The following RAPGEF4 variants were observed in gnomAD, a reference collection of about 807,000 sequenced individuals.
RAPGEF4 encodes RAP guanine-nucleotide-exchange factor (GEF) 4.
Under a neutral mutation model 147.9 loss-of-function variants are expected in RAPGEF4, and 66 were observed. That is an observed-to-expected ratio of 0.45 (90% CI 0.37 to 0.55). The LOEUF (loss-of-function observed/expected upper bound fraction) is 0.55. RAPGEF4 is among the 20% of genes least tolerant of loss of function. The pLI, the probability that RAPGEF4 is intolerant of heterozygous loss-of-function variation, is 0.00. For missense variants in RAPGEF4, 1,071 were observed against 1,257.3 expected (o/e 0.85, Z 2.24); for synonymous variants, 419 against 442.7 (o/e 0.95, Z 0.67).
At chr2:172,854,564 C>T (rs1294823407) in intron 4 of RAPGEF4, among the ~76,000 whole-genome samples, 1 of 151,970 alleles carries the variant, frequency 6.6e-6, no homozygotes, top group Non-Finnish European at 1.5e-5. Flanking sequence ...AGTCCATTTA[C>T]ATTTAATGTA....
intron 5 of RAPGEF4, among the ~76,000 whole-genome samples, chr2:172,921,727 C>G (rs549856031): frequency 3.3e-5 from 5 of 152,316 alleles, no homozygotes; most frequent in African/African-American, 1.2e-4. Flanking sequence ...AGCCTTCTAG[C>G]TCGGAACACT....
chr2:172,888,465 T>C (rs1697502049), intron 4 of RAPGEF4, among the ~76,000 whole-genome samples: 1 of 152,228 alleles, frequency 6.6e-6, no homozygotes, highest in Non-Finnish European at 1.5e-5. Flanking sequence ...AATACTTCTT[T>C]CCACAGTGGA....
At chr2:172,877,378 A>T (rs954084175) in intron 4 of RAPGEF4, among the ~76,000 whole-genome samples, 8 of 152,064 alleles carry the variant, frequency 5.3e-5, no homozygotes, top group African/African-American at 1.9e-4. Flanking sequence ...AGGGTGGGGG[A>T]CCAGGGGAGG....
chr2:173,026,636 C>T lies in RAPGEF4; in HGVS notation c.2318C>T (p.Ser773Phe). 6.2e-7 allele frequency: 1 copy of T among 1,613,914 alleles called. No individual in the cohort carries two copies. The highest frequency in any genetic ancestry group is 8.5e-7 in the Non-Finnish European group (1 of 1,179,900). ...GTVGTFELMS[S>F]KDLAYQMTIY... is the part of the protein sequence containing the mutation. ...GTGGGAACTTTTGAACTGATGAGCTCCAAAGATTTAGCATACCAGATGACA... is the reference window on the plus strand; with the variant it reads ...GTGGGAACTTTTGAACTGATGAGCTTCAAAGATTTAGCATACCAGATGACA... The change falls in exon 24 of 31, where the codon TCC becomes TTC. Residue 773 changes from serine to phenylalanine, a missense_variant. By Grantham distance (155) the Ser-to-Phe change is radical. Coordinates refer to ENST00000397081, the MANE Select transcript of RAPGEF4 (RefSeq NM_007023.4).
At chr2:172,868,989 C>A (rs1694932114) in intron 4 of RAPGEF4, among the ~76,000 whole-genome samples, 1 of 152,198 alleles carries the variant, frequency 6.6e-6, no homozygotes, top group Non-Finnish European at 1.5e-5. Flanking sequence ...CCGCCTTGGC[C>A]TCCCAAAGTG....
At chr2:173,041,511 C>A (rs1684757879) in intron 29 of RAPGEF4, among the ~76,000 whole-genome samples, 2 of 152,096 alleles carry the variant, frequency 1.3e-5, no homozygotes, top group African/African-American at 4.8e-5. Context: ...AGATTACCTG[C>A]AGTTGGGAAG....
At chr2:172,751,068 G>A (rs1414357069) in intron 1 of RAPGEF4, among the ~76,000 whole-genome samples, 4 of 152,250 alleles carry the variant, frequency 2.6e-5, no homozygotes, top group Admixed American at 6.5e-5. Context: ...TTGGAATATA[G>A]AAAAGTTCCA....
intron 17 of RAPGEF4, among the ~76,000 whole-genome samples, chr2:173,006,881 T>C (rs1694530484): frequency 6.6e-6 from 1 of 152,210 alleles, no homozygotes; most frequent in African/African-American, 2.4e-5. Context: ...TTCTGAAAAG[T>C]GTTTGATCCA....
chr2:173,014,163 TG>T (rs1348901381), intron 17 of RAPGEF4, among the ~76,000 whole-genome samples: 1 of 152,148 alleles, frequency 6.6e-6, no homozygotes, highest in Admixed American at 6.5e-5. Context: ...AGGCAGATCC[TG>T]GCAGAGAATG....
At chr2:172,954,437 C>G (rs1688530964) in intron 6 of RAPGEF4, among the ~76,000 whole-genome samples, 1 of 152,148 alleles carries the variant, frequency 6.6e-6, no homozygotes, top group Admixed American at 6.5e-5. Context: ...AAAGCTGAAA[C>G]TGGAAATCTC....
At position 173,018,767 on chromosome 2, in the gene RAPGEF4, A is replaced by G; in HGVS notation, c.2120A>G (p.Glu707Gly). Residue 707 changes from glutamate (E) to glycine (G), a missense_variant, in exon 22 of 31, where the codon GAG (glutamate) becomes GGG (glycine). Transcript: ENST00000397081. The stretch of plus-strand genomic sequence containing the variant: ...GTTGCCGACAAGCTGGGCTCCGGGG[A>G]GGGCCTGATCATAGTCAAGATGAGT... ...SAVADKLGSG[E>G]GLIIVKMSSG... The G allele has an allele frequency of 6.2e-7, 1 of 1,614,040 alleles. No individual in the cohort carries two copies. The highest frequency in any genetic ancestry group is 1.1e-5 in the South Asian group (1 of 91,066).
At chr2:172,934,776 C>T (rs1366700787) in intron 6 of RAPGEF4, among the ~76,000 whole-genome samples, 1 of 151,816 alleles carries the variant, frequency 6.6e-6, no homozygotes, top group African/African-American at 2.4e-5. Context: ...TATTCACCCC[C>T]TACCCCAACA....
At chr2:172,980,550 G>C (rs1197040089) in intron 10 of RAPGEF4, among the ~76,000 whole-genome samples, 1 of 152,146 alleles carries the variant, frequency 6.6e-6, no homozygotes, top group Non-Finnish European at 1.5e-5. Context: ...ATGGGGAGAG[G>C]AGAGAGCTTC....
chr2:172,881,588 G>A (rs749339774), intron 4 of RAPGEF4, among the ~76,000 whole-genome samples: 1 of 152,188 alleles, frequency 6.6e-6, no homozygotes, highest in Non-Finnish European at 1.5e-5. Context: ...AAGGACATTA[G>A]GTTCAGGTCT....
intron 6 of RAPGEF4, among the ~76,000 whole-genome samples, chr2:172,929,740 C>T (rs1408892609): frequency 6.6e-6 from 1 of 152,138 alleles, no homozygotes; most frequent in Non-Finnish European, 1.5e-5. Context: ...GCACTGCAGC[C>T]TAGACAGAAG....
At chr2:172,828,484 G>T (rs1185278697) in intron 4 of RAPGEF4, among the ~76,000 whole-genome samples, 1 of 152,130 alleles carries the variant, frequency 6.6e-6, no homozygotes, top group Non-Finnish European at 1.5e-5. Flanking sequence ...GACAGAACAG[G>T]GTTTTGACAT....
intron 3 of RAPGEF4, among the ~76,000 whole-genome samples, chr2:172,802,811 G>A (rs1574887437): frequency 6.6e-6 from 1 of 152,172 alleles, no homozygotes; most frequent in Non-Finnish European, 1.5e-5. Context: ...GGGGGTACAG[G>A]CATTGGTTAA....
intron 17 of RAPGEF4, among the ~76,000 whole-genome samples, chr2:173,013,015 G>A (rs1695169510): frequency 6.6e-6 from 1 of 152,246 alleles, no homozygotes; most frequent in Non-Finnish European, 1.5e-5. Flanking sequence ...TGAGCTGAGA[G>A]AGGATTGTAG....
chr2:172,835,145 G>T (rs929148022), intron 4 of RAPGEF4, among the ~76,000 whole-genome samples: 1 of 152,188 alleles, frequency 6.6e-6, no homozygotes, highest in African/African-American at 2.4e-5. Flanking sequence ...AATGATATGC[G>T]TCTAAGCAAG....
Sources: allele counts gnomAD v4.1 joint callset (sites outside exome capture counted in the v4.1 genomes callset), GRCh38; gene constraint gnomAD v4.1.1; transcripts MANE v1.5; gene names NCBI Gene and HGNC (gene_info 2026-07-23, HGNC 2026-07-21).